The following RNGTT variants were observed in gnomAD, a reference collection of about 807,000 sequenced individuals.
RNGTT encodes RNA guanylyltransferase and 5'-phosphatase.
In RNGTT, 33 loss-of-function variants were observed where a neutral mutation model predicts 79.3. The observed-to-expected ratio is 0.42, with a 90% CI of 0.32 to 0.56. The LOEUF (loss-of-function observed/expected upper bound fraction) is 0.56, where lower values mean the gene tolerates loss of function less well. Ranked by LOEUF, RNGTT falls within the 20% of genes least tolerant of loss-of-function variation. RNGTT has a pLI of 0.17. For missense variants in RNGTT, 497 were observed against 739.1 expected, an observed-to-expected ratio of 0.67 and a Z score of 3.80; for synonymous variants, 222 against 235.9, an observed-to-expected ratio of 0.94 and a Z score of 0.54.
At chr6:88,791,921 A>G (rs1414325423) in intron 12 of RNGTT, among the ~76,000 whole-genome samples, 1 of 152,214 alleles carries the variant, frequency 6.6e-6, no homozygotes, top group Admixed American at 6.5e-5. Context: ...TAAAAAATAT[A>G]TATTTTAAAT....
chr6:88,630,408 A>C (rs115355367), intron 14 of RNGTT, among the ~76,000 whole-genome samples: 1 of 152,298 alleles, frequency 6.6e-6, no homozygotes, highest in African/African-American at 2.4e-5. Context: ...CAGTCCTTCA[A>C]ATCCTACCAT....
At chr6:88,704,959 G>A (rs1051060436) in intron 13 of RNGTT, among the ~76,000 whole-genome samples, 1 of 151,922 alleles carries the variant, frequency 6.6e-6, no homozygotes, top group African/African-American at 2.4e-5. Flanking sequence ...ATCTTAAAGG[G>A]CAGCAAGTTT....
chr6:88,799,349 C>T (rs540357722), intron 12 of RNGTT, among the ~76,000 whole-genome samples: 64 of 152,152 alleles, frequency 4.2e-4, no homozygotes, highest in African/African-American at 1.4e-3. Flanking sequence ...GTAATGCTGG[C>T]GAACAGGGAG....
intron 13 of RNGTT, among the ~76,000 whole-genome samples, chr6:88,751,735 T>C (rs936467557): frequency 6.6e-6 from 1 of 152,112 alleles, no homozygotes; most frequent in Non-Finnish European, 1.5e-5. Context: ...TGGTATGTTA[T>C]ATGGGCATTT....
chr6:88,700,478 C>A (rs910178981), intron 13 of RNGTT, among the ~76,000 whole-genome samples: 1 of 152,040 alleles, frequency 6.6e-6, no homozygotes, highest in East Asian at 1.9e-4. Flanking sequence ...ATTCTTTTTT[C>A]TTTCTTTTCT....
intron 13 of RNGTT, 45 bp downstream of exon 13, chr6:88,769,729 C>T (rs781197164): frequency 4.2e-6 from 5 of 1,181,206 alleles, no homozygotes; most frequent in South Asian, 4.0e-5. Context: ...AAGCCTTACA[C>T]AAACAGTATT....
chr6:88,719,486 A>G (rs1296570210), intron 13 of RNGTT, among the ~76,000 whole-genome samples: 1 of 152,236 alleles, frequency 6.6e-6, no homozygotes, highest in African/African-American at 2.4e-5. Flanking sequence ...ACTTGATTAC[A>G]GTACTTTAAT....
chr6:88,619,231 T>C (rs953686564), intron 14 of RNGTT, among the ~76,000 whole-genome samples: 1 of 151,862 alleles, frequency 6.6e-6, no homozygotes, highest in Non-Finnish European at 1.5e-5. Flanking sequence ...AGTGGTGCGG[T>C]CACAGCTCAC....
At chr6:88,672,336 G>C (rs1383412629) in intron 14 of RNGTT, among the ~76,000 whole-genome samples, 1 of 151,412 alleles carries the variant, frequency 6.6e-6, no homozygotes, top group Non-Finnish European at 1.5e-5. Context: ...TAAATGTAAT[G>C]CTCCATATAT....
chr6:88,816,058 T>A (rs981645793), intron 11 of RNGTT, among the ~76,000 whole-genome samples: 6 of 152,350 alleles, frequency 3.9e-5, no homozygotes, highest in East Asian at 3.9e-4. Context: ...GTATGAAATA[T>A]ATTGTGAACA....
At chr6:88,877,246 G>C (rs901073923) in intron 8 of RNGTT, among the ~76,000 whole-genome samples, 22 of 152,168 alleles carry the variant, frequency 1.4e-4, no homozygotes, top group Non-Finnish European at 2.1e-4. Context: ...TAACTAATAT[G>C]CATTGAGTGC....
intron 13 of RNGTT, among the ~76,000 whole-genome samples, chr6:88,684,670 AT>A (rs1048829184): frequency 6.6e-6 from 1 of 150,524 alleles, no homozygotes; most frequent in Middle Eastern, 3.4e-3. Context: ...AGGCAAAAGG[AT>A]TTTTTTAAGG....
At chr6:88,676,394 A>G (rs1774877166) in intron 14 of RNGTT, among the ~76,000 whole-genome samples, 1 of 152,216 alleles carries the variant, frequency 6.6e-6, no homozygotes, top group Non-Finnish European at 1.5e-5. Context: ...ACAAAAAAAA[A>G]GAACATCAAT....
At chr6:88,766,680 A>G (rs1778473446) in intron 13 of RNGTT, among the ~76,000 whole-genome samples, 1 of 152,098 alleles carries the variant, frequency 6.6e-6, no homozygotes, top group Non-Finnish European at 1.5e-5. Context: ...AATCTATACT[A>G]TTAGCACCTC....
intron 8 of RNGTT, among the ~76,000 whole-genome samples, 196 bp downstream of exon 8, chr6:88,890,299 T>G (rs1242579568): frequency 6.6e-6 from 1 of 152,162 alleles, no homozygotes; most frequent in African/African-American, 2.4e-5. Flanking sequence ...AACCAAAAAT[T>G]TAGCAGAATG....
chr6:88,828,291 G>T (rs1187222335), intron 11 of RNGTT, among the ~76,000 whole-genome samples: 3 of 152,232 alleles, frequency 2.0e-5, no homozygotes, highest in African/African-American at 7.2e-5. Context: ...CAGAGCTGCA[G>T]AAGAGGGGCC....
intron 6 of RNGTT, among the ~76,000 whole-genome samples, chr6:88,899,715 A>T (rs1427231593): frequency 2.6e-5 from 4 of 152,218 alleles, no homozygotes; most frequent in African/African-American, 9.6e-5. Flanking sequence ...CAGAGAGGTG[A>T]GCTAGACATC....
At chr6:88,863,253 A>T (rs546270062) in intron 8 of RNGTT, among the ~76,000 whole-genome samples, 1 of 152,218 alleles carries the variant, frequency 6.6e-6, no homozygotes, top group Non-Finnish European at 1.5e-5. Flanking sequence ...ATGCCACTGA[A>T]GATTTGGACA....
chr6:88,853,342 T>C (rs1781732864), intron 9 of RNGTT, among the ~76,000 whole-genome samples: 1 of 151,780 alleles, frequency 6.6e-6, no homozygotes, highest in Non-Finnish European at 1.5e-5. Context: ...CCTTCTCTAC[T>C]AAAAATCCAA....
Sources: gnomAD v4.1 joint callset for allele counts (sites outside exome capture counted in the v4.1 genomes callset) on GRCh38, gnomAD v4.1.1 for gene constraint, MANE v1.5 for transcripts, NCBI Gene and HGNC (gene_info 2026-07-23, HGNC 2026-07-21) for gene names.